The following MUC22 variants were observed in gnomAD, a reference collection of about 807,000 sequenced individuals.
MUC22 encodes mucin-22.
MUC22 carries 24 observed loss-of-function variants against 40.3 expected under a neutral mutation model. The ratio of observed to expected loss-of-function variants is 0.60; its 90% CI spans 0.43 to 0.84. The LOEUF is 0.84. Among genes scored for constraint, MUC22 ranks in the 40% least tolerant of loss-of-function variants. The pLI, the probability that MUC22 is intolerant of heterozygous loss-of-function variation, is 0.00. For missense variants in MUC22, 1,926 were observed against 2,130.7 expected, an observed-to-expected ratio of 0.90 and a Z score of 1.89; for synonymous variants, 765 against 844.5, an observed-to-expected ratio of 0.91 and a Z score of 1.63.
At chr6:31,035,065 A>G in exon 4 of MUC22, 1 of 971,386 alleles carries the variant, frequency 1.0e-6, no homozygotes, top group Admixed American at 2.8e-5. Flanking sequence ...AGAAAAAAAT[A>G]ATGATCATGA....
chr6:31,029,678 C>T (rs1765866519), exon 2 of MUC22: 2 of 1,534,924 alleles, frequency 1.3e-6, no homozygotes, highest in African/African-American at 1.4e-5. Flanking sequence ...TCTGAGGCCA[C>T]CACATCCTCT....
chr6:31,019,269 A>G (rs1419008957), intron 1 of MUC22, among the ~76,000 whole-genome samples: 1 of 152,164 alleles, frequency 6.6e-6, no homozygotes, highest in Non-Finnish European at 1.5e-5. Context: ...AACACTTCCT[A>G]TTGGTTCTAC....
chr6:31,026,945 C>A (rs764291665), exon 2 of MUC22: 1 of 1,494,454 alleles, frequency 6.7e-7, no homozygotes, highest in Middle Eastern at 1.7e-4. Context: ...GGCTCTGAGA[C>A]CACTGCAGCC....
exon 2 of MUC22, chr6:31,026,007 C>T: frequency 6.5e-7 from 1 of 1,531,596 alleles, no homozygotes; most frequent in Non-Finnish European, 8.7e-7. Flanking sequence ...CTACCACAGG[C>T]TCTGAGACCA....
chr6:31,023,663 A>G (rs550073105), intron 1 of MUC22, among the ~76,000 whole-genome samples: 1 of 152,340 alleles, frequency 6.6e-6, no homozygotes, highest in Non-Finnish European at 1.5e-5. Flanking sequence ...AATAAATAAT[A>G]TTCAACCAAG....
intron 1 of MUC22, among the ~76,000 whole-genome samples, chr6:31,016,875 C>T (rs114970185): frequency 0.025 from 3,854 of 152,222 alleles, 72 homozygotes; most frequent in Non-Finnish European, 0.027. Context: ...CTCGGGGGGC[C>T]CCACACTCTG....
exon 1 of MUC22, chr6:31,010,525 C>T (rs1179583237): frequency 3.5e-6 from 2 of 564,070 alleles, no homozygotes; most frequent in Non-Finnish European, 6.3e-6. Context: ...GGGGGCTCCC[C>T]CCAACCATGC....
In MUC22 at chr6:31,027,290, C is replaced by T; in HGVS notation, c.1859C>T (p.Thr620Ile). 3.3e-6 allele frequency: 5 copies of T among 1,525,798 alleles called. 1 individual carries two copies. Among genetic ancestry groups the T allele is most frequent in the Non-Finnish European group, 4.4e-6 (5 of 1,140,166 alleles). The allele number at this position is 1,525,798 out of a possible 1,614,324, so 94.5% of individuals were successfully genotyped here. A position where few individuals can be genotyped will look rare whatever the true frequency, so the allele number is the denominator to read the frequency against. ...GGCTCTGAGACCAGCACAGATTCTACCACAGGCTCTGAGACCACCACAGCC... is the reference window on the plus strand; with the variant it reads ...GGCTCTGAGACCAGCACAGATTCTATCACAGGCTCTGAGACCACCACAGCC... The change falls in exon 2 of 4, where the codon ACC becomes ATC. Residue 620 changes from threonine to isoleucine, a missense_variant. Physicochemically the swap from Thr to Ile is moderately conservative, Grantham distance 89 (BLOSUM62 -1). Coordinates refer to ENST00000561890, the Ensembl canonical transcript of MUC22.
chr6:31,020,843 C>T (rs1177654194), intron 1 of MUC22, among the ~76,000 whole-genome samples: 3 of 152,178 alleles, frequency 2.0e-5, no homozygotes, highest in Non-Finnish European at 4.4e-5. Context: ...AGGCCCCGGG[C>T]AGTGAGGGGC....
chr6:31,025,468 C>G, intron 1 of MUC22, 34 bp from the exon 2 acceptor site: 1 of 1,458,714 alleles, frequency 6.9e-7, no homozygotes, highest in Non-Finnish European at 9.0e-7. Context: ...CATCTTTAAC[C>G]CATTCCCACC....
upstream of MUC22, among the ~76,000 whole-genome samples, chr6:31,009,981 C>G (rs1424374992): frequency 1.3e-5 from 2 of 152,210 alleles, no homozygotes; most frequent in Admixed American, 1.3e-4. Context: ...GAGTGTATCA[C>G]TCACGTAGCC....
At chr6:31,029,989 A>G in exon 2 of MUC22, 1 of 1,535,772 alleles carries the variant, frequency 6.5e-7, no homozygotes, top group Non-Finnish European at 8.7e-7. Context: ...CACAGTCTCT[A>G]TCACAGCTTC....
At chr6:31,009,386 A>G (rs1763718846), upstream of MUC22, among the ~76,000 whole-genome samples, 1 of 152,142 alleles carries the variant, frequency 6.6e-6, no homozygotes, top group Non-Finnish European at 1.5e-5. Context: ...ATCTTAACAC[A>G]TGCATACACT....
chr6:31,006,108 A>G (rs1249347859), upstream of MUC22: 1 of 396,910 alleles, frequency 2.5e-6, no homozygotes, highest in South Asian at 1.8e-5. Flanking sequence ...CTCCGTCTCA[A>G]AAAAATGAAA....
At position 31,011,636 on chromosome 6, in the gene MUC22, C is replaced by T. The variant is rs1164986551; in HGVS notation, c.70+860C>T. 6.6e-6 allele frequency among the ~76,000 whole-genome samples: 1 copy of T among 152,160 alleles called. No individual in the cohort carries two copies. The highest frequency in any genetic ancestry group is 1.5e-5 in the Non-Finnish European group (1 of 68,034). ...CATGACTTTGCAATTGTGAATTGTGCTGCTATAAACATGTGTGTGCAAGTG... is the reference window on the plus strand; with the variant it reads ...CATGACTTTGCAATTGTGAATTGTGTTGCTATAAACATGTGTGTGCAAGTG... On this transcript the variant is annotated intron_variant, in intron 1 of 3. Transcript: ENST00000561890. The surrounding 1 kb of genome is among the most constrained non-coding windows in gnomAD (Gnocchi z 4.5).
rs1162914899 is a variant in MUC22, at chr6:31,027,892, A to G, written c.2461A>G (p.Thr821Ala). 3 of 1,534,172 alleles carry G rather than the reference A, an allele frequency of 2.0e-6. No homozygotes were observed. In the South Asian group the frequency reaches 3.6e-5, roughly 18 times the overall value. ...CTCTGAGATGACTACAGTCTCCACC[A>G]CAGGTGCTGAGACCACCACAGACTC... The change falls in exon 2 of 4, where the codon ACA becomes GCA. Residue 821 changes from threonine to alanine, a missense_variant. By Grantham distance (58) the Thr-to-Ala change is moderately conservative (BLOSUM62 0). Transcript: ENST00000561890.
rs1763856022 is a variant in MUC22, at chr6:31,011,311, C to G, written c.70+535C>G. 6.6e-6 allele frequency among the ~76,000 whole-genome samples: 1 copy of G among 152,054 alleles called. No individual in the cohort carries two copies. ...CCGTCACCAAGCAGTGTACACCGCA[C>G]CCACCCTATCTGTAGTCTTTTATCT... On this transcript the variant is annotated intron_variant, in intron 1 of 3. Coordinates refer to ENST00000561890, the Ensembl canonical transcript of MUC22. The surrounding 1 kb of genome is among the most constrained non-coding windows in gnomAD (Gnocchi z 4.5).
At chr6:31,029,842 A>G (rs1442727159) in exon 2 of MUC22, 1 of 1,520,606 alleles carries the variant, frequency 6.6e-7, no homozygotes, top group East Asian at 2.5e-5. Context: ...AGCCTGTACC[A>G]CAGGTTCTGA....
chr6:31,006,508 T>C (rs568853324), upstream of MUC22, among the ~76,000 whole-genome samples: 1 of 152,252 alleles, frequency 6.6e-6, no homozygotes, highest in East Asian at 1.9e-4. Flanking sequence ...ATGCCTGTCA[T>C]TGTACATTTG....
Sources: allele counts gnomAD v4.1 joint callset (sites outside exome capture counted in the v4.1 genomes callset), GRCh38; gene constraint gnomAD v4.1.1; non-coding constraint Gnocchi (gnomAD v3.1); transcripts MANE v1.5; gene names NCBI Gene and HGNC (gene_info 2026-07-23, HGNC 2026-07-21).